PRRC2B: variants seen among roughly 807,000 people sequenced by gnomAD.
The protein encoded by PRRC2B is protein PRRC2B.
PRRC2B carries 68 observed loss-of-function variants against 242.3 expected under a neutral mutation model. The ratio of observed to expected loss-of-function variants is 0.28; its 90% CI spans 0.23 to 0.34. PRRC2B has a LOEUF of 0.34. Among genes scored for constraint, PRRC2B ranks in the 10% least tolerant of loss-of-function variants. The pLI is 1.00. For synonymous variants in PRRC2B, 1,228 were observed against 1,173.6 expected (o/e 1.05, Z -0.95); for missense variants, 2,835 against 2,954.8 (o/e 0.96, Z 0.94).
Position 131,497,493 on chromosome 9 carries a change from A to G in PRRC2B, c.*1619A>G, listed in dbSNP as rs1944365061. 1 of 152,206 alleles carries G rather than the reference A, an allele frequency of 6.6e-6. No individual in the cohort carries two copies. Among genetic ancestry groups the G allele is most frequent in the Admixed American group, 6.5e-5 (1 of 15,280 alleles). 9.4% of individuals were successfully genotyped at this position (152,206 alleles called of 1,614,324 possible). A position where few individuals can be genotyped will look rare whatever the true frequency, so the allele number is the denominator to read the frequency against. ...GGGGGCCGGGGATGCACCCCCCACC[A>G]GAGGCTGCCTTCAGCGTCTCACGGG... On this transcript the variant is annotated 3_prime_UTR_variant, in exon 32 of 32. Coordinates refer to ENST00000683519, the MANE Select transcript of PRRC2B (RefSeq NM_013318.4).
At chr9:131,454,782 C>T (rs560891958) in intron 9 of PRRC2B, among the ~76,000 whole-genome samples, 1 of 152,254 alleles carries the variant, frequency 6.6e-6, no homozygotes, top group South Asian at 2.1e-4. Context: ...ATTACAGGCA[C>T]ACGCCACCAT....
chr9:131,390,007 A>G (rs1836879086), upstream of PRRC2B, among the ~76,000 whole-genome samples: 1 of 134,928 alleles, frequency 7.4e-6, no homozygotes, highest in Non-Finnish European at 1.5e-5. Flanking sequence ...TGCAACCTCC[A>G]ACTCTTGGGT....
chr9:131,396,469 G>T (rs1040444082), intron 1 of PRRC2B, among the ~76,000 whole-genome samples: 1 of 151,838 alleles, frequency 6.6e-6, no homozygotes, highest in Non-Finnish European at 1.5e-5. Flanking sequence ...GGGATTACAG[G>T]CATGTGCCAC....
intron 26 of PRRC2B, 107 bp downstream of exon 26, chr9:131,486,289 C>T (rs1944022215): frequency 3.3e-6 from 3 of 903,356 alleles, no homozygotes; most frequent in South Asian, 1.6e-5. Context: ...GGTTTTCCAT[C>T]CCCCTCACAT....
upstream of PRRC2B, among the ~76,000 whole-genome samples, chr9:131,392,411 C>T (rs995038121): frequency 2.0e-5 from 3 of 152,128 alleles, no homozygotes; most frequent in Admixed American, 2.0e-4. Context: ...GATGAAGAAC[C>T]TGAGGCTCAG....
In PRRC2B at chr9:131,420,477, CTTTCTTTCTTTCTTTCTTTTTTT is replaced by C. The variant is rs1157369074; in HGVS notation, c.-51-9613_-51-9591del. The stretch of plus-strand genomic sequence containing the variant: ...TTTTTCTTTCTTTCTTTCTTTCTTT[CTTTCTTTCTTTCTTTCTTTTTTT>C]TTTTTTTTTTGAGATGGAGGCTCCC... On this transcript the variant is annotated intron_variant, in intron 1 of 31. Transcript: ENST00000683519. Among the ~76,000 whole-genome samples, 9 of 14,510 alleles carry C rather than the reference CTTTCTTTCTTTCTTTCTTTTTTT, an allele frequency of 6.2e-4. 1 individual carries two copies. The highest frequency in any genetic ancestry group is 1.2e-3 in the African/African-American group (8 of 6,562). 9.5% of individuals were successfully genotyped at this position (14,510 alleles called of 152,430 possible).
At chr9:131,463,067 C>T (rs990647691) in intron 11 of PRRC2B, among the ~76,000 whole-genome samples, 5 of 151,862 alleles carry the variant, frequency 3.3e-5, no homozygotes, top group African/African-American at 1.2e-4. Flanking sequence ...GGGATAAAGG[C>T]AGATAGGCAG....
chr9:131,451,521 A>G (rs1942918618), intron 9 of PRRC2B, among the ~76,000 whole-genome samples: 2 of 152,208 alleles, frequency 1.3e-5, no homozygotes, highest in Non-Finnish European at 2.9e-5. Flanking sequence ...ACCCTTATGT[A>G]GTTTGTAAAT....
At chr9:131,416,143 C>G (rs531705069) in intron 1 of PRRC2B, among the ~76,000 whole-genome samples, 4 of 150,982 alleles carry the variant, frequency 2.6e-5, no homozygotes, top group East Asian at 1.9e-4. Context: ...GTGTCTTGCT[C>G]TGTTGCCCAG....
intron 11 of PRRC2B, among the ~76,000 whole-genome samples, chr9:131,460,819 C>T (rs1212585707): frequency 6.6e-6 from 1 of 152,120 alleles, no homozygotes; most frequent in South Asian, 2.1e-4. Flanking sequence ...TGGGTCCGCC[C>T]TTTCTCCATG....
In PRRC2B at chr9:131,378,729, T is replaced by G. The variant is rs554546990; in HGVS notation, c.-56+4998T>G. Among the ~76,000 whole-genome samples, 20 of 152,306 alleles carry G rather than the reference T, an allele frequency of 1.3e-4. No homozygotes were observed. In the South Asian group the frequency reaches 4.1e-3, roughly 32 times the overall value. On this transcript the variant is annotated intron_variant, in intron 1 of 1. Transcript: ENST00000682525. ...GTTTTGTTTTGTTTTTGTTTTTGTT[T>G]TTTTAATTGAGATACAGTCTTACTC...
At position 131,476,281 on chromosome 9, in the gene PRRC2B, C is replaced by T. The variant is rs369787362; in HGVS notation, c.4152C>T (p.Ser1384=). The change falls in exon 16 of 32, where the codon AGC becomes AGT. Residue 1384 remains serine, a synonymous_variant. Transcript: ENST00000683519. The stretch of plus-strand genomic sequence containing the variant: ...CGGCCTCCGAAAGCAGCGACTTCAG[C>T]GAGCGGCGGGAGCGGCGGGAAGGCC... ...WETASESSDF[S]ERRERREGPG... 21 of 1,607,590 alleles carry T rather than the reference C, an allele frequency of 1.3e-5. No homozygotes were observed. In the Admixed American group the frequency reaches 1.5e-4, roughly 12 times the overall value.
chr9:131,483,443 A>C lies in PRRC2B; in HGVS notation c.5458A>C (p.Asn1820His), dbSNP rs1459734098. ...VVKLQDALASNAGLTQSIPIL... is the reference protein window; with the variant it reads ...VVKLQDALASHAGLTQSIPIL... ...TAAACTTCAGGATGCCTTGGCCAGTAATGTAAGTCCACACTTCCACTTTTG... is the reference window on the plus strand; with the variant it reads ...TAAACTTCAGGATGCCTTGGCCAGTCATGTAAGTCCACACTTCCACTTTTG... The change falls in exon 23 of 32, where the codon AAT becomes CAT. Residue 1820 changes from asparagine (N) to histidine (H), a missense_variant and splice_region_variant. By Grantham distance (68) the Asn-to-His change is moderately conservative. Coordinates refer to ENST00000683519, the MANE Select transcript of PRRC2B (RefSeq NM_013318.4). The C allele has an allele frequency of 1.4e-5, 23 of 1,613,474 alleles. No homozygotes were observed. Among genetic ancestry groups the C allele is most frequent in the Non-Finnish European group, 1.9e-5 (23 of 1,179,728 alleles).
rs146225512 is a variant in PRRC2B at position 131,456,021 on chromosome 9, G to C, written c.1211+855G>C. Among the ~76,000 whole-genome samples, 249 of 152,116 alleles carry C rather than the reference G, an allele frequency of 1.6e-3. 1 individual carries two copies. The highest frequency in any genetic ancestry group is 5.7e-3 in the African/African-American group (237 of 41,504). ...CCAGCTACTTGGGTGGCTGAGGCAG[G>C]AGAATTGCTTGAACCCAGGAGGCAG... is the stretch of plus-strand genomic sequence containing the variant. On this transcript the variant is annotated intron_variant, in intron 10 of 31. Transcript: ENST00000683519.
At chr9:131,423,712 TC>T (rs1335255104) in intron 1 of PRRC2B, among the ~76,000 whole-genome samples, 1 of 152,220 alleles carries the variant, frequency 6.6e-6, no homozygotes, top group Non-Finnish European at 1.5e-5. Context: ...TTATTTCTCT[TC>T]AGGCTGCCGG....
chr9:131,497,489 C>T lies in PRRC2B; in HGVS notation c.*1615C>T, dbSNP rs140141830. On this transcript the variant is annotated 3_prime_UTR_variant, in exon 32 of 32. Transcript: ENST00000683519. ...AGGAGGGGGCCGGGGATGCACCCCC[C>T]ACCAGAGGCTGCCTTCAGCGTCTCA... 14 of 152,356 alleles carry T rather than the reference C, an allele frequency of 9.2e-5. No individual in the cohort carries two copies. Among genetic ancestry groups the T allele is most frequent in the African/African-American group, 3.4e-4 (14 of 41,564 alleles). The allele number at this position is 152,356 out of a possible 1,614,324, so 9.4% of individuals were successfully genotyped here. A position where few individuals can be genotyped will look rare whatever the true frequency, so the allele number is the denominator to read the frequency against.
chr9:131,468,313 A>G (rs1293146929), intron 13 of PRRC2B, among the ~76,000 whole-genome samples: 2 of 152,194 alleles, frequency 1.3e-5, no homozygotes, highest in African/African-American at 4.8e-5. Flanking sequence ...GGGGTCAGTT[A>G]TGCCCCTCTC....
chr9:131,481,771 T>G lies in PRRC2B; in HGVS notation c.4946T>G (p.Val1649Gly). Residue 1649 changes from valine to glycine, a missense_variant, in exon 20 of 32, where the codon GTC becomes GGC. Coordinates refer to ENST00000683519, the MANE Select transcript of PRRC2B (RefSeq NM_013318.4). ...APANDSWRKA[V>G]TAFSSTETGS... ...GCCAACGACTCCTGGAGGAAAGCTG[T>G]CACTGCCTTCAGCAGCACCGAGACT... 1 of 1,565,382 alleles carries G rather than the reference T, an allele frequency of 6.4e-7. No individual in the cohort carries two copies. The highest frequency in any genetic ancestry group is 1.7e-4 in the Middle Eastern group (1 of 6,012).
chr9:131,441,049 C>G (rs1384858545), intron 5 of PRRC2B, among the ~76,000 whole-genome samples: 2 of 152,106 alleles, frequency 1.3e-5, no homozygotes, highest in African/African-American at 2.4e-5. Context: ...CTGCAGTGAG[C>G]TGTGGTCACA....
Sources: gnomAD v4.1 joint callset for allele counts (sites outside exome capture counted in the v4.1 genomes callset) on GRCh38, gnomAD v4.1.1 for gene constraint, MANE v1.5 for transcripts, NCBI Gene and HGNC (gene_info 2026-07-23, HGNC 2026-07-21) for gene names.